Variants in GPHN observed in about 807,000 individuals in gnomAD.
GPHN encodes the protein gephyrin.
GPHN carries 17 observed loss-of-function variants against 95.5 expected under a neutral mutation model. The ratio of observed to expected loss-of-function variants is 0.18; its 90% CI spans 0.12 to 0.27. The LOEUF (loss-of-function observed/expected upper bound fraction) is 0.27. Ranked by LOEUF, GPHN falls within the 10% of genes least tolerant of loss-of-function variation. GPHN has a pLI of 1.00. For missense variants in GPHN, 660 were observed against 978.1 expected (o/e 0.67, Z 4.34); for synonymous variants, 320 against 322.5 (o/e 0.99, Z 0.08).
the GPHN span, among the ~76,000 whole-genome samples, chr14:67,439,586 T>TTTCTTTCTTTCTTTCTTTCTTTC: frequency 1.0e-4 from 14 of 139,628 alleles, no homozygotes; most frequent in South Asian, 9.4e-4. Flanking sequence ...TCTTTCTTTC[T>TTTCTTTCTTTCTTTCTTTCTTTC]TTCTTTCTTC....
intron 8 of GPHN, among the ~76,000 whole-genome samples, chr14:66,957,051 A>G (rs1171669717): frequency 6.6e-6 from 1 of 151,436 alleles, no homozygotes; most frequent in Non-Finnish European, 1.5e-5. Context: ...CCAGCATGGC[A>G]CATGTATACA....
At chr14:66,517,250 C>A (rs929586660) in intron 1 of GPHN, among the ~76,000 whole-genome samples, 1 of 151,212 alleles carries the variant, frequency 6.6e-6, no homozygotes, top group Non-Finnish European at 1.5e-5. Context: ...ACCTAAGAGT[C>A]TATACAGAAC....
At chr14:67,340,593 A>G in the GPHN span, 5 of 1,234,632 alleles carry the variant, frequency 4.0e-6, no homozygotes, top group African/African-American at 3.0e-5. Context: ...TCATTTGTAT[A>G]ACAGTTATTT....
At chr14:66,656,595 G>A (rs1233135024) in intron 1 of GPHN, among the ~76,000 whole-genome samples, 3 of 151,930 alleles carry the variant, frequency 2.0e-5, no homozygotes, top group Non-Finnish European at 4.4e-5. Flanking sequence ...TCAACAGCAT[G>A]TTTTCATTTT....
the GPHN span, among the ~76,000 whole-genome samples, chr14:67,353,269 T>C: frequency 6.6e-6 from 1 of 152,216 alleles, no homozygotes; most frequent in East Asian, 1.9e-4. Flanking sequence ...GGTGGGACCA[T>C]CAAGAGATGA....
the GPHN span, among the ~76,000 whole-genome samples, chr14:67,466,729 AC>A: frequency 6.6e-6 from 1 of 152,090 alleles, no homozygotes; most frequent in South Asian, 2.1e-4. Flanking sequence ...ACAGTGGCTC[AC>A]CCCTGTAATC....
the GPHN span, among the ~76,000 whole-genome samples, chr14:67,372,775 C>T: frequency 8.6e-5 from 13 of 151,224 alleles, no homozygotes; most frequent in Non-Finnish European, 1.5e-4. Context: ...TTGCAGTGAG[C>T]GGAGATTGCC....
chr14:67,729,360 CCT>C, the GPHN span: 5 of 1,597,784 alleles, frequency 3.1e-6, no homozygotes, highest in Non-Finnish European at 4.2e-6. Flanking sequence ...GCCTGGAGCC[CCT>C]GAGTGGCAAG....
At chr14:66,666,364 A>G (rs983180682) in intron 1 of GPHN, among the ~76,000 whole-genome samples, 1 of 151,654 alleles carries the variant, frequency 6.6e-6, no homozygotes, top group Admixed American at 6.6e-5. Context: ...TTTTGAAATG[A>G]TAACATTATG....
chr14:66,739,218 C>CTTTT, intron 2 of GPHN, among the ~76,000 whole-genome samples: 1 of 134,634 alleles, frequency 7.4e-6, no homozygotes, highest in African/African-American at 2.8e-5. Context: ...TTTCTTACAG[C>CTTTT]TTTTTTTTTT....
intron 9 of GPHN, among the ~76,000 whole-genome samples, chr14:66,984,282 G>A (rs1344711430): frequency 1.3e-5 from 2 of 152,172 alleles, no homozygotes; most frequent in Non-Finnish European, 2.9e-5. Flanking sequence ...ACAAGAGGAT[G>A]AGCAGATATT....
chr14:67,289,089 C>T, the GPHN span, among the ~76,000 whole-genome samples: 2 of 151,472 alleles, frequency 1.3e-5, no homozygotes, highest in Non-Finnish European at 2.9e-5. Context: ...GCCTCAGCCT[C>T]CCAAGTAGCT....
the GPHN span, chr14:67,600,207 G>T: frequency 1.3e-6 from 2 of 1,566,488 alleles, no homozygotes; most frequent in East Asian, 2.4e-5. Context: ...CCTCCATGAC[G>T]CCCCCACTCG....
At chr14:66,724,590 G>A (rs1377167699) in intron 2 of GPHN, among the ~76,000 whole-genome samples, 1 of 152,140 alleles carries the variant, frequency 6.6e-6, no homozygotes, top group South Asian at 2.1e-4. Context: ...TTGGAGAGAG[G>A]AATATCAAGG....
At chr14:67,258,022 C>T in the GPHN span, among the ~76,000 whole-genome samples, 4 of 151,704 alleles carry the variant, frequency 2.6e-5, no homozygotes, top group African/African-American at 9.7e-5. Context: ...AATCTCTCTC[C>T]TCTTGAGTTA....
At chr14:67,057,280 G>A (rs1352152821) in intron 10 of GPHN, among the ~76,000 whole-genome samples, 1 of 152,222 alleles carries the variant, frequency 6.6e-6, no homozygotes, top group African/African-American at 2.4e-5. Context: ...ATGAGATCAT[G>A]TCCTTTGCAG....
the GPHN span, among the ~76,000 whole-genome samples, chr14:67,286,879 AAAAC>A: frequency 6.6e-6 from 1 of 151,292 alleles, no homozygotes; most frequent in African/African-American, 2.4e-5. Context: ...AAAAAAGAAA[AAAAC>A]TGTTCTTGAA....
chr14:67,425,789 T>C, the GPHN span, among the ~76,000 whole-genome samples: 1 of 152,110 alleles, frequency 6.6e-6, no homozygotes, highest in Non-Finnish European at 1.5e-5. Flanking sequence ...GAGAACCCAC[T>C]TCCAGACACA....
chr14:67,509,749 G>A, the GPHN span, among the ~76,000 whole-genome samples: 1 of 152,164 alleles, frequency 6.6e-6, no homozygotes, highest in Non-Finnish European at 1.5e-5. Flanking sequence ...GCTTATCCCT[G>A]TAATCCCAGC....
Sources: allele counts gnomAD v4.1 joint callset (sites outside exome capture counted in the v4.1 genomes callset), GRCh38; gene constraint gnomAD v4.1.1; transcripts MANE v1.5; gene names NCBI Gene and HGNC (gene_info 2026-07-23, HGNC 2026-07-21).